Variants in THSD7B observed in about 807,000 individuals in gnomAD.
THSD7B encodes the protein thrombospondin type 1 domain containing 7B, also known as thrombospondin type-1 domain-containing protein 7B.
Under a neutral mutation model 213.6 loss-of-function variants are expected in THSD7B, and 138 were observed. The observed-to-expected ratio is 0.65, with a 90% confidence interval of 0.56 to 0.74. The LOEUF is 0.74. Ranked by LOEUF, THSD7B falls within the 30% of genes least tolerant of loss-of-function variation. The pLI is 0.00. For missense variants in THSD7B, 1,931 were observed against 1,991.5 expected, an observed-to-expected ratio of 0.97 and a Z score of 0.58; for synonymous variants, 742 against 687.0, an observed-to-expected ratio of 1.08 and a Z score of -1.25.
chr2:137,603,431 G>T (rs138300162), intron 17 of THSD7B, among the ~76,000 whole-genome samples: 95 of 152,240 alleles, frequency 6.2e-4, no homozygotes, highest in African/African-American at 2.1e-3. Context: ...AACTTTCTTT[G>T]TAGGATGGTT....
chr2:137,646,329 A>G (rs1034857500), intron 21 of THSD7B, among the ~76,000 whole-genome samples: 2 of 152,012 alleles, frequency 1.3e-5, no homozygotes, highest in African/African-American at 4.8e-5. Flanking sequence ...GTCACCATCT[A>G]TGAGGACCTG....
intron 2 of THSD7B, among the ~76,000 whole-genome samples, chr2:137,008,076 C>T (rs1686151079): frequency 6.6e-6 from 1 of 151,952 alleles, no homozygotes; most frequent in Non-Finnish European, 1.5e-5. Context: ...CTATTATCTA[C>T]TAGCAAAGAC....
chr2:136,821,243 C>T (rs1012937633), intron 1 of THSD7B, among the ~76,000 whole-genome samples: 1 of 152,104 alleles, frequency 6.6e-6, no homozygotes, highest in African/African-American at 2.4e-5. Flanking sequence ...ACTTGTTAAG[C>T]TTCCATATCC....
intron 17 of THSD7B, among the ~76,000 whole-genome samples, chr2:137,573,751 T>C (rs1681404569): frequency 6.6e-6 from 1 of 152,076 alleles, no homozygotes; most frequent in Non-Finnish European, 1.5e-5. Context: ...GCTTAGAAAC[T>C]GATGTGTAGA....
At chr2:137,323,318 G>A (rs969965983) in intron 12 of THSD7B, among the ~76,000 whole-genome samples, 11 of 152,296 alleles carry the variant, frequency 7.2e-5, no homozygotes, top group African/African-American at 2.6e-4. Flanking sequence ...GAGACTGGTA[G>A]CCTGACTTGT....
rs562716479 is a variant in THSD7B at position 137,046,135 on chromosome 2, A to G, written c.140-10285A>G. On this transcript the variant is annotated intron_variant, in intron 2 of 27. Coordinates refer to ENST00000409968, the MANE Select transcript of THSD7B (RefSeq NM_001316349.2). The stretch of plus-strand genomic sequence containing the variant: ...CTATGATGCTACTTGTTCTAGCTTC[A>G]GTAATGTGCAATATTAATTAGACCC... Among the ~76,000 whole-genome samples, 5 of 152,260 alleles carry G rather than the reference A, an allele frequency of 3.3e-5. No individual in the cohort carries two copies. The East Asian group carries it at 9.7e-4, about 29-fold the overall frequency.
chr2:137,242,466 T>C lies in THSD7B; in HGVS notation c.2160T>C (p.Asp720=), dbSNP rs1376596251. 1.9e-6 allele frequency: 3 copies of C among 1,613,570 alleles called. No individual in the cohort carries two copies. The highest frequency in any genetic ancestry group is 2.5e-6 in the Non-Finnish European group (3 of 1,179,528). The change falls in exon 10 of 28, where the codon GAT becomes GAC. Residue 720 remains aspartate, a synonymous_variant. Transcript: ENST00000409968. ...CTTTTCACATTGACAGATGTCCAGA[T>C]TCTACTCGACCTGAAACTGTGCGCC... The part of the protein sequence containing the change: ...VGQVMTKRCP[D]STRPETVRPC...
At chr2:137,251,432 G>T (rs1682175536) in intron 10 of THSD7B, among the ~76,000 whole-genome samples, 1 of 152,178 alleles carries the variant, frequency 6.6e-6, no homozygotes, top group African/African-American at 2.4e-5. Context: ...TCTCAGGGAA[G>T]CAAAACCTAT....
At chr2:137,612,133 T>C (rs554645036) in intron 17 of THSD7B, among the ~76,000 whole-genome samples, 8 of 152,322 alleles carry the variant, frequency 5.3e-5, no homozygotes, top group African/African-American at 1.9e-4. Flanking sequence ...AATTGAAACA[T>C]AAAAATTTGA....
At position 137,073,522 on chromosome 2, in the gene THSD7B, G is replaced by A. The variant is rs183911843; in HGVS notation, c.950+16292G>A. 3.4e-3 allele frequency among the ~76,000 whole-genome samples: 512 copies of A among 151,984 alleles called. 5 individuals are homozygous for A. The highest frequency in any genetic ancestry group is 0.011 in the African/African-American group (450 of 41,448). On this transcript the variant is annotated intron_variant, in intron 3 of 27. Transcript: ENST00000409968. ...TAGCGGTCTATCAATTTTGTTGATC[G>A]TTCAAAAAAACAGCTCCTGGATTCA...
At chr2:137,024,210 C>T (rs992632053) in intron 2 of THSD7B, among the ~76,000 whole-genome samples, 1 of 152,168 alleles carries the variant, frequency 6.6e-6, no homozygotes, top group Non-Finnish European at 1.5e-5. Context: ...TCTGTCACCT[C>T]ACTCTCTCCT....
chr2:137,166,884 A>T (rs1258277013), intron 6 of THSD7B, among the ~76,000 whole-genome samples: 1 of 152,012 alleles, frequency 6.6e-6, no homozygotes, highest in East Asian at 1.9e-4. Context: ...GCGTTCTGTT[A>T]ACTTCTCATT....
intron 2 of THSD7B, among the ~76,000 whole-genome samples, chr2:136,982,284 G>A (rs1455195399): frequency 6.7e-6 from 1 of 150,118 alleles, no homozygotes; most frequent in East Asian, 2.0e-4. Flanking sequence ...AATAAAATAA[G>A]GCTCTTACAT....
intron 26 of THSD7B, among the ~76,000 whole-genome samples, chr2:137,666,721 C>T (rs1384775022): frequency 5.3e-5 from 8 of 151,800 alleles, no homozygotes; most frequent in Admixed American, 5.3e-4. Flanking sequence ...GCTATATGCT[C>T]ATATAAAATA....
chr2:137,307,298 C>T (rs528741428), intron 12 of THSD7B, among the ~76,000 whole-genome samples: 39 of 152,066 alleles, frequency 2.6e-4, no homozygotes, highest in Non-Finnish European at 4.7e-4. Context: ...GGCTCCTTTC[C>T]ATCCCTCCCA....
intron 15 of THSD7B, among the ~76,000 whole-genome samples, chr2:137,451,513 T>A (rs1038395711): frequency 6.6e-6 from 1 of 152,098 alleles, no homozygotes; most frequent in African/African-American, 2.4e-5. Flanking sequence ...TTGCCAAATC[T>A]TCCACAACTC....
intron 2 of THSD7B, among the ~76,000 whole-genome samples, chr2:136,939,959 C>A (rs1218544417): frequency 1.3e-5 from 2 of 152,152 alleles, no homozygotes; most frequent in Non-Finnish European, 2.9e-5. Context: ...GTGCAGAGTG[C>A]AGCACTTTTT....
intron 2 of THSD7B, among the ~76,000 whole-genome samples, chr2:137,040,809 G>T (rs1452369594): frequency 6.6e-6 from 1 of 152,240 alleles, no homozygotes; most frequent in South Asian, 2.1e-4. Context: ...CATCTGTCTT[G>T]AACAGAATAA....
At chr2:137,609,493 C>A (rs547278343) in intron 17 of THSD7B, among the ~76,000 whole-genome samples, 7 of 152,198 alleles carry the variant, frequency 4.6e-5, no homozygotes, top group Middle Eastern at 3.4e-3. Context: ...AGATCAAGGC[C>A]CTGGGGCAAG....
Sources: allele counts gnomAD v4.1 joint callset (sites outside exome capture counted in the v4.1 genomes callset), GRCh38; gene constraint gnomAD v4.1.1; transcripts MANE v1.5; gene names NCBI Gene and HGNC (gene_info 2026-07-23, HGNC 2026-07-21).